The following RAVER2 variants were observed in gnomAD, a reference collection of about 807,000 sequenced individuals.
RAVER2 encodes the protein ribonucleoprotein, PTB binding 2, also known as ribonucleoprotein PTB-binding 2.
In RAVER2, 46 loss-of-function variants were observed where a neutral mutation model predicts 78.1. The observed-to-expected ratio is 0.59, with a 90% CI of 0.46 to 0.75. The LOEUF is 0.75. Ranked by LOEUF, RAVER2 falls within the 30% of genes least tolerant of loss-of-function variation. The pLI is 0.00. For missense variants in RAVER2, 793 were observed against 837.5 expected (o/e 0.95, Z 0.66); for synonymous variants, 311 against 313.3 (o/e 0.99, Z 0.08).
At chr1:64,811,201 G>A (rs1054794918) in intron 9 of RAVER2, among the ~76,000 whole-genome samples, 2 of 152,122 alleles carry the variant, frequency 1.3e-5, no homozygotes, top group African/African-American at 4.8e-5. Context: ...AGTGTGTACC[G>A]TACTACTGTG....
At chr1:64,746,284 TG>T (rs1651536425) in intron 1 of RAVER2, among the ~76,000 whole-genome samples, 1 of 152,228 alleles carries the variant, frequency 6.6e-6, no homozygotes, top group Admixed American at 6.5e-5. Context: ...CCTGGGATGT[TG>T]TTCTTTTCTC....
At chr1:64,765,688 G>T (rs928535423) in intron 1 of RAVER2, among the ~76,000 whole-genome samples, 4 of 152,122 alleles carry the variant, frequency 2.6e-5, no homozygotes, top group African/African-American at 9.7e-5. Flanking sequence ...GTCAAGTTTG[G>T]TAGTGAGTTT....
chr1:64,803,124 T>C, intron 6 of RAVER2, 63 bp downstream of exon 6: 1 of 1,266,820 alleles, frequency 7.9e-7, no homozygotes. Flanking sequence ...TGTTTGTTCT[T>C]AACACTTAAA....
intron 3 of RAVER2, among the ~76,000 whole-genome samples, chr1:64,778,506 A>C (rs1337018009): frequency 6.6e-6 from 1 of 152,178 alleles, no homozygotes; most frequent in East Asian, 1.9e-4. Flanking sequence ...CAAGTAAGCA[A>C]ATAATTGCAA....
intron 10 of RAVER2, among the ~76,000 whole-genome samples, chr1:64,813,568 C>T (rs927913314): frequency 7.9e-5 from 12 of 151,970 alleles, no homozygotes; most frequent in Admixed American, 3.9e-4. Context: ...AAATTCTAAA[C>T]TATTACCTCT....
At chr1:64,772,028 A>G (rs539204862) in intron 2 of RAVER2, among the ~76,000 whole-genome samples, 26 of 152,206 alleles carry the variant, frequency 1.7e-4, no homozygotes, top group African/African-American at 6.3e-4. Flanking sequence ...TAAATAGTAG[A>G]CCATGCAATG....
At chr1:64,801,987 G>A (rs1193408318) in intron 5 of RAVER2, among the ~76,000 whole-genome samples, 1 of 152,222 alleles carries the variant, frequency 6.6e-6, no homozygotes, top group Non-Finnish European at 1.5e-5. Flanking sequence ...ACAAGAGGTG[G>A]ATTATTCATG....
intron 4 of RAVER2, 115 bp downstream of exon 4, chr1:64,781,686 C>A: frequency 1.0e-6 from 1 of 1,000,950 alleles, no homozygotes; most frequent in Non-Finnish European, 1.4e-6. Flanking sequence ...CATTGCATTT[C>A]CATCACACTG....
chr1:64,750,336 A>G (rs1318732149), intron 1 of RAVER2, among the ~76,000 whole-genome samples: 3 of 149,964 alleles, frequency 2.0e-5, no homozygotes, highest in African/African-American at 7.4e-5. Flanking sequence ...AGACAGAGCA[A>G]GATTTCTCTG....
Position 64,747,991 on chromosome 1 carries a change from A to G in RAVER2, c.249+2570A>G, listed in dbSNP as rs373356790. Among the ~76,000 whole-genome samples, 32 of 152,318 alleles carry G rather than the reference A, an allele frequency of 2.1e-4. 7 individuals carry two copies. The highest frequency in any genetic ancestry group is 3.9e-4 in the Admixed American group (6 of 15,304). ...GTTTTCTTTATTAAATGTAGTTTTCATAAATCTCAAATTTTGTTTTATTTT... is the reference window on the plus strand; with the variant it reads ...GTTTTCTTTATTAAATGTAGTTTTCGTAAATCTCAAATTTTGTTTTATTTT... On this transcript the variant is annotated intron_variant, in intron 1 of 11. Coordinates refer to ENST00000294428, the Ensembl canonical transcript of RAVER2.
chr1:64,768,849 A>G, intron 2 of RAVER2, 127 bp downstream of exon 2: 1 of 616,510 alleles, frequency 1.6e-6, no homozygotes, highest in Non-Finnish European at 2.9e-6. Context: ...AATCATTCGA[A>G]TGTAACCCAC....
chr1:64,791,737 G>C (rs1652947531), intron 5 of RAVER2, among the ~76,000 whole-genome samples: 2 of 152,112 alleles, frequency 1.3e-5, no homozygotes. Context: ...TCCCAAGGCA[G>C]CCTATTCCCT....
intron 4 of RAVER2, among the ~76,000 whole-genome samples, chr1:64,784,949 G>A (rs971799910): frequency 2.6e-5 from 4 of 151,990 alleles, no homozygotes; most frequent in East Asian, 3.8e-4. Context: ...AATTCCCTGC[G>A]TGGTCCCATG....
intron 9 of RAVER2, 39 bp from the exon 10 acceptor site, chr1:64,812,699 C>T: frequency 2.3e-6 from 3 of 1,322,762 alleles, no homozygotes; most frequent in African/African-American, 1.5e-5. Flanking sequence ...TTTCGTGTAC[C>T]TCTCATTAAG....
At chr1:64,768,587 C>G (rs1370722187) in intron 1 of RAVER2, 69 bp from the exon 2 acceptor site, 2 of 936,008 alleles carry the variant, frequency 2.1e-6, no homozygotes, top group East Asian at 2.5e-5. Flanking sequence ...TGGTGGTAGG[C>G]TAATAGAGCT....
chr1:64,777,368 A>G (rs934866265), intron 2 of RAVER2, among the ~76,000 whole-genome samples: 1 of 152,162 alleles, frequency 6.6e-6, no homozygotes, highest in East Asian at 1.9e-4. Context: ...TGAAACTCCT[A>G]ATATAATCCC....
intron 4 of RAVER2, among the ~76,000 whole-genome samples, chr1:64,781,949 G>A (rs1177538186): frequency 2.0e-5 from 3 of 151,728 alleles, no homozygotes; most frequent in South Asian, 2.1e-4. Context: ...TTTCACCCAG[G>A]CTGGAGTGCA....
chr1:64,799,009 A>G (rs934571256), intron 5 of RAVER2, among the ~76,000 whole-genome samples: 1 of 152,208 alleles, frequency 6.6e-6, no homozygotes, highest in Non-Finnish European at 1.5e-5. Context: ...ACCCTACAGT[A>G]CTATAGAACA....
chr1:64,828,653 CT>C (rs1024334585), intron 11 of RAVER2, among the ~76,000 whole-genome samples: 94 of 141,334 alleles, frequency 6.7e-4, no homozygotes, highest in Admixed American at 6.3e-4. Context: ...AACCCGTTTT[CT>C]TTTTTTTTTT....
Sources: gnomAD v4.1 joint callset for allele counts (sites outside exome capture counted in the v4.1 genomes callset) on GRCh38, gnomAD v4.1.1 for gene constraint, MANE v1.5 for transcripts, NCBI Gene and HGNC (gene_info 2026-07-23, HGNC 2026-07-21) for gene names.